Variants in L3MBTL4 observed in about 807,000 individuals in gnomAD.
L3MBTL4 encodes the protein lethal(3)malignant brain tumor-like protein 4.
Under a neutral mutation model 84.5 loss-of-function variants are expected in L3MBTL4, and 70 were observed. The ratio of observed to expected loss-of-function variants is 0.83; its 90% CI spans 0.68 to 1.01. L3MBTL4 has a LOEUF of 1.01. L3MBTL4 is among the 50% of genes least tolerant of loss of function. The pLI is 0.00. For missense variants in L3MBTL4, 715 were observed against 754.8 expected (o/e 0.95, Z 0.62); for synonymous variants, 274 against 259.8 (o/e 1.05, Z -0.52).
At chr18:6,335,487 A>G (rs968117648) in intron 1 of L3MBTL4, among the ~76,000 whole-genome samples, 2 of 152,206 alleles carry the variant, frequency 1.3e-5, no homozygotes, top group African/African-American at 4.8e-5. Flanking sequence ...CAATTTGCAA[A>G]ATAAAAATAA....
chr18:6,389,089 A>G (rs537896754), intron 1 of L3MBTL4, among the ~76,000 whole-genome samples: 3 of 152,328 alleles, frequency 2.0e-5, no homozygotes, highest in East Asian at 3.9e-4. Context: ...AATTTAAAAA[A>G]TAATAAACTC....
intron 14 of L3MBTL4, among the ~76,000 whole-genome samples, chr18:6,103,885 C>A (rs2058912752): frequency 6.6e-6 from 1 of 152,162 alleles, no homozygotes; most frequent in South Asian, 2.1e-4. Flanking sequence ...AAAGAAAAGC[C>A]AGACTAGCCC....
Position 6,242,606 on chromosome 18 carries a change from C to G in L3MBTL4, c.460+688G>C, listed in dbSNP as rs529686233. Among the ~76,000 whole-genome samples the G allele has an allele frequency of 5.3e-5, 8 of 152,274 alleles. No individual in the cohort carries two copies. In the South Asian group the frequency reaches 1.5e-3, roughly 28 times the overall value. On this transcript the variant is annotated intron_variant, in intron 7 of 18. Coordinates refer to ENST00000317931, the MANE Select transcript of L3MBTL4 (RefSeq NM_001330559.2). Reference sequence around the variant, plus strand: ...CCCAAGGGACACCCTGAGTGGATAACTAGGAATAAAGGACTGTATACTGAC... The same window carrying G: ...CCCAAGGGACACCCTGAGTGGATAAGTAGGAATAAAGGACTGTATACTGAC...
chr18:6,067,656 C>A (rs918180889), intron 16 of L3MBTL4, among the ~76,000 whole-genome samples: 1 of 152,090 alleles, frequency 6.6e-6, no homozygotes, highest in African/African-American at 2.4e-5. Flanking sequence ...TACTTCATGA[C>A]ATCAATCTCT....
intron 16 of L3MBTL4, among the ~76,000 whole-genome samples, chr18:6,077,720 T>TA (rs59029384): frequency 0.021 from 2,887 of 139,214 alleles, 93 homozygotes; most frequent in Admixed American, 0.094. Context: ...CCATTTTCCT[T>TA]AAAAAAAAAA....
chr18:6,055,597 G>A (rs1425876327), intron 16 of L3MBTL4, among the ~76,000 whole-genome samples: 1 of 152,190 alleles, frequency 6.6e-6, no homozygotes, highest in Non-Finnish European at 1.5e-5. Context: ...GCTCAAACAA[G>A]AGTTACAACT....
At chr18:6,118,588 C>T (rs950941910) in intron 14 of L3MBTL4, among the ~76,000 whole-genome samples, 1 of 152,134 alleles carries the variant, frequency 6.6e-6, no homozygotes, top group East Asian at 1.9e-4. Context: ...GGAACATAAA[C>T]CATTTCCAGG....
intron 12 of L3MBTL4, among the ~76,000 whole-genome samples, chr18:6,179,820 T>G (rs73383917): frequency 1.3e-5 from 2 of 152,130 alleles, no homozygotes; most frequent in Non-Finnish European, 2.9e-5. Flanking sequence ...TGTTTTTTTG[T>G]AGAGTCAAGG....
At chr18:6,280,112 A>G (rs1048901916) in intron 4 of L3MBTL4, among the ~76,000 whole-genome samples, 32 of 152,364 alleles carry the variant, frequency 2.1e-4, no homozygotes, top group African/African-American at 7.7e-4. Flanking sequence ...GTCATTCTCA[A>G]TGAATGTAAA....
In L3MBTL4 at chr18:6,143,337, A is replaced by T. The variant is rs572401832; in HGVS notation, c.1097-5041T>A. 9.1e-4 allele frequency among the ~76,000 whole-genome samples: 138 copies of T among 152,334 alleles called. 1 individual carries two copies. Among genetic ancestry groups the T allele is most frequent in the Middle Eastern group, 3.4e-3 (1 of 292 alleles). On this transcript the variant is annotated intron_variant, in intron 13 of 18. Coordinates refer to ENST00000317931, the MANE Select transcript of L3MBTL4 (RefSeq NM_001330559.2). ...ATGGGAGAAGAGCCATTGCATTAAG[A>T]ACTGCAGCAAAAGACATAACAAAGA... is the stretch of plus-strand genomic sequence containing the variant.
chr18:6,090,246 T>C (rs1415905046), intron 15 of L3MBTL4, among the ~76,000 whole-genome samples: 1 of 152,150 alleles, frequency 6.6e-6, no homozygotes, highest in Non-Finnish European at 1.5e-5. Context: ...GTTATAAAGA[T>C]AACTCTTGCA....
chr18:6,046,679 G>T (rs774250825), intron 16 of L3MBTL4: 12 of 744,962 alleles, frequency 1.6e-5, no homozygotes, highest in Non-Finnish European at 3.0e-5. Context: ...AACTAAGGCA[G>T]AAGTAAAAAA....
intron 12 of L3MBTL4, among the ~76,000 whole-genome samples, chr18:6,174,632 G>A (rs2044138235): frequency 1.3e-5 from 2 of 152,106 alleles, no homozygotes; most frequent in African/African-American, 4.8e-5. Flanking sequence ...CACTTTGGGA[G>A]GCTAAGGCAG....
At chr18:6,382,424 A>C (rs2054629028) in intron 1 of L3MBTL4, among the ~76,000 whole-genome samples, 1 of 151,880 alleles carries the variant, frequency 6.6e-6, no homozygotes, top group Non-Finnish European at 1.5e-5. Flanking sequence ...AGTTTTTGGA[A>C]TTTTCAGCCT....
chr18:6,348,720 A>G (rs2053040588), intron 1 of L3MBTL4, among the ~76,000 whole-genome samples: 1 of 152,234 alleles, frequency 6.6e-6, no homozygotes, highest in Non-Finnish European at 1.5e-5. Flanking sequence ...GTACATTAAA[A>G]TTATGACCAT....
chr18:6,148,150 TA>T (rs984117670), intron 13 of L3MBTL4, among the ~76,000 whole-genome samples: 10 of 152,200 alleles, frequency 6.6e-5, no homozygotes, highest in African/African-American at 2.4e-4. Flanking sequence ...GATATATGGA[TA>T]AAATGACAAT....
chr18:5,958,773 C>G (rs370567215), intron 18 of L3MBTL4, among the ~76,000 whole-genome samples: 2 of 152,142 alleles, frequency 1.3e-5, no homozygotes, highest in Non-Finnish European at 2.9e-5. Flanking sequence ...TCTTTAAGGG[C>G]CCCTCTCGTA....
chr18:6,347,973 T>C (rs530774482), intron 1 of L3MBTL4, among the ~76,000 whole-genome samples: 15 of 151,838 alleles, frequency 9.9e-5, no homozygotes, highest in African/African-American at 3.6e-4. Flanking sequence ...AAATACAAGA[T>C]CCATACAAAG....
chr18:6,204,350 T>C (rs1176954974), intron 12 of L3MBTL4, among the ~76,000 whole-genome samples: 2 of 152,308 alleles, frequency 1.3e-5, no homozygotes, highest in Middle Eastern at 3.4e-3. Flanking sequence ...GAAAAAGCTC[T>C]GTGGCTACTG....
Sources: gnomAD v4.1 joint callset for allele counts (sites outside exome capture counted in the v4.1 genomes callset) on GRCh38, gnomAD v4.1.1 for gene constraint, MANE v1.5 for transcripts, NCBI Gene and HGNC (gene_info 2026-07-23, HGNC 2026-07-21) for gene names.